The following FHIT variants were observed in gnomAD, a reference collection of about 807,000 sequenced individuals.
The protein encoded by FHIT is fragile histidine triad diadenosine triphosphatase.
In FHIT, 19 loss-of-function variants were observed where a neutral mutation model predicts 17.9. The observed-to-expected ratio is 1.06, with a 90% CI of 0.74 to 1.56. The LOEUF is 1.56. Among genes scored for constraint, FHIT ranks in the 40% most tolerant of loss-of-function variants. The probability of loss-of-function intolerance (pLI) is 0.00; values close to 1 mark genes in which losing one functional copy is unlikely to be tolerated. For missense variants in FHIT, 248 were observed against 189.2 expected, an observed-to-expected ratio of 1.31 and a Z score of -1.82; for synonymous variants, 81 against 69.7, an observed-to-expected ratio of 1.16 and a Z score of -0.81.
intron 2 of FHIT, among the ~76,000 whole-genome samples, chr3:61,109,083 C>A (rs2036077850): frequency 1.3e-5 from 2 of 152,104 alleles, no homozygotes; most frequent in African/African-American, 4.8e-5. Flanking sequence ...TCCAAGTGAA[C>A]ATTTTATTGG....
At chr3:59,834,948 T>C (rs1701288923) in intron 8 of FHIT, among the ~76,000 whole-genome samples, 1 of 152,204 alleles carries the variant, frequency 6.6e-6, no homozygotes, top group African/African-American at 2.4e-5. Context: ...TTAACTTACT[T>C]AATATGTTGT....
chr3:59,913,435 G>C (rs1704979195), intron 8 of FHIT, among the ~76,000 whole-genome samples: 1 of 152,134 alleles, frequency 6.6e-6, no homozygotes, highest in East Asian at 1.9e-4. Context: ...GCCATGAGCT[G>C]GTTATGAGGT....
intron 4 of FHIT, among the ~76,000 whole-genome samples, chr3:60,538,286 A>G (rs1431608650): frequency 6.6e-6 from 1 of 152,232 alleles, no homozygotes; most frequent in Non-Finnish European, 1.5e-5. Flanking sequence ...AACGAAATAA[A>G]AGAGGACACA....
intron 5 of FHIT, among the ~76,000 whole-genome samples, chr3:60,218,860 C>CATAG (rs907366580): frequency 1.4e-4 from 21 of 151,450 alleles, no homozygotes; most frequent in African/African-American, 4.9e-4. Context: ...ATACTGCCTA[C>CATAG]ATACATACAT....
intron 4 of FHIT, among the ~76,000 whole-genome samples, chr3:60,705,701 C>T (rs1443591355): frequency 6.6e-6 from 1 of 152,094 alleles, no homozygotes; most frequent in African/African-American, 2.4e-5. Context: ...GGTGTATACA[C>T]ATATACACAA....
At chr3:59,833,750 G>C (rs1408808425) in intron 8 of FHIT, among the ~76,000 whole-genome samples, 1 of 152,104 alleles carries the variant, frequency 6.6e-6, no homozygotes, top group East Asian at 1.9e-4. Flanking sequence ...ATCTCATCTC[G>C]AATTGTAATC....
At chr3:60,631,399 A>C (rs72872723) in intron 4 of FHIT, among the ~76,000 whole-genome samples, 1,672 of 152,264 alleles carry the variant, frequency 0.011, 38 homozygotes, top group African/African-American at 0.039. Context: ...CCAGCACCTG[A>C]GCATTGTTTC....
chr3:59,955,217 T>G (rs945367860), intron 7 of FHIT, among the ~76,000 whole-genome samples: 4 of 152,146 alleles, frequency 2.6e-5, no homozygotes, highest in South Asian at 2.1e-4. Context: ...CAATGGACAT[T>G]TTTTGTCCCC....
chr3:60,071,740 C>T (rs897124639), intron 5 of FHIT, among the ~76,000 whole-genome samples: 1 of 152,212 alleles, frequency 6.6e-6, no homozygotes, highest in Non-Finnish European at 1.5e-5. Flanking sequence ...CCACCCAAAT[C>T]TCATCTTGAA....
intron 5 of FHIT, among the ~76,000 whole-genome samples, chr3:60,523,048 C>T (rs971192128): frequency 6.6e-6 from 1 of 152,070 alleles, no homozygotes; most frequent in Non-Finnish European, 1.5e-5. Flanking sequence ...AGGGGAAACT[C>T]CTTATAAAAA....
At chr3:60,228,222 A>G (rs1704308760) in intron 5 of FHIT, among the ~76,000 whole-genome samples, 1 of 152,222 alleles carries the variant, frequency 6.6e-6, no homozygotes, top group Non-Finnish European at 1.5e-5. Flanking sequence ...GACATACTGT[A>G]TGATCCCATT....
chr3:60,634,006 G>GA (rs139757147), intron 4 of FHIT, among the ~76,000 whole-genome samples: 2,036 of 152,272 alleles, frequency 0.013, 56 homozygotes, highest in African/African-American at 0.047. Context: ...CTTCTCTCTG[G>GA]CACAGAGCTG....
intron 5 of FHIT, among the ~76,000 whole-genome samples, chr3:60,444,102 A>G (rs1380346886): frequency 6.6e-6 from 1 of 152,220 alleles, no homozygotes; most frequent in Non-Finnish European, 1.5e-5. Flanking sequence ...AATGCTTATC[A>G]TCACTTGCCA....
At chr3:61,185,739 A>G (rs1358899167) in intron 2 of FHIT, among the ~76,000 whole-genome samples, 1 of 152,182 alleles carries the variant, frequency 6.6e-6, no homozygotes, top group Admixed American at 6.5e-5. Flanking sequence ...CACATAAAGA[A>G]CTAACTGGGA....
intron 4 of FHIT, among the ~76,000 whole-genome samples, chr3:60,820,448 C>G (rs1701886440): frequency 6.6e-6 from 1 of 152,212 alleles, no homozygotes; most frequent in African/African-American, 2.4e-5. Context: ...TGCCTTTAAA[C>G]TTTGTTTTCC....
chr3:60,602,347 C>G (rs556621194), intron 4 of FHIT, among the ~76,000 whole-genome samples: 1 of 152,204 alleles, frequency 6.6e-6, no homozygotes, highest in South Asian at 2.1e-4. Context: ...CAGCAACAGC[C>G]AATCTCGGAA....
chr3:60,334,899 A>G (rs1184172812), intron 5 of FHIT, among the ~76,000 whole-genome samples: 1 of 152,230 alleles, frequency 6.6e-6, no homozygotes, highest in Non-Finnish European at 1.5e-5. Context: ...GCATTCAAGA[A>G]ATTGTATGGC....
intron 4 of FHIT, among the ~76,000 whole-genome samples, chr3:60,619,080 C>T (rs1553677190): frequency 6.6e-6 from 1 of 150,704 alleles, no homozygotes. Context: ...TAATTTGTTA[C>T]AGCAGCAAAG....
chr3:60,639,636 C>T (rs1282947529), intron 4 of FHIT, among the ~76,000 whole-genome samples: 1 of 152,044 alleles, frequency 6.6e-6, no homozygotes, highest in African/African-American at 2.4e-5. Flanking sequence ...ATCCACCTGC[C>T]AGAATGTTAA....
Sources: gnomAD v4.1 joint callset for allele counts (sites outside exome capture counted in the v4.1 genomes callset) on GRCh38, gnomAD v4.1.1 for gene constraint, MANE v1.5 for transcripts, NCBI Gene and HGNC (gene_info 2026-07-23, HGNC 2026-07-21) for gene names.